The following LRRTM4 variants were observed in gnomAD, a reference collection of about 807,000 sequenced individuals.
LRRTM4 encodes the protein leucine rich repeat transmembrane neuronal 4.
A neutral mutation model predicts 47.6 loss-of-function variants in LRRTM4; 25 were observed. The observed-to-expected ratio is 0.53, with a 90% CI of 0.38 to 0.73. The LOEUF (loss-of-function observed/expected upper bound fraction) is 0.73. Among genes scored for constraint, LRRTM4 ranks in the 30% least tolerant of loss-of-function variants. The pLI is 0.00. For missense variants in LRRTM4, 638 were observed against 713.4 expected (o/e 0.89, Z 1.20); for synonymous variants, 311 against 269.5 (o/e 1.15, Z -1.51).
chr2:77,421,066 G>C (rs765997155), intron 3 of LRRTM4, among the ~76,000 whole-genome samples: 1 of 151,210 alleles, frequency 6.6e-6, no homozygotes, highest in Non-Finnish European at 1.5e-5. Context: ...GGCCACTAGA[G>C]GTATCAAAGA....
chr2:77,148,580 A>G (rs2103779410), intron 3 of LRRTM4, among the ~76,000 whole-genome samples: 1 of 152,302 alleles, frequency 6.6e-6, no homozygotes, highest in South Asian at 2.1e-4. Flanking sequence ...TCTGTAACAA[A>G]GGAGTTAGGC....
intron 3 of LRRTM4, among the ~76,000 whole-genome samples, chr2:77,119,225 C>T (rs1205345103): frequency 2.0e-5 from 3 of 151,810 alleles, no homozygotes; most frequent in Non-Finnish European, 4.4e-5. Context: ...CTTCTCTTTT[C>T]TTGAATTTCT....
intron 3 of LRRTM4, among the ~76,000 whole-genome samples, chr2:76,968,816 A>AT (rs1298387509): frequency 1.3e-5 from 2 of 151,840 alleles, no homozygotes; most frequent in Non-Finnish European, 2.9e-5. Flanking sequence ...TCAGCAAAGC[A>AT]TTTAAAGTGG....
chr2:76,970,586 CCT>C (rs1676185850), intron 3 of LRRTM4, among the ~76,000 whole-genome samples: 1 of 151,948 alleles, frequency 6.6e-6, no homozygotes, highest in Non-Finnish European at 1.5e-5. Flanking sequence ...CATAATAACC[CCT>C]GAGAAATAAT....
chr2:77,391,689 C>T (rs531214252), intron 3 of LRRTM4, among the ~76,000 whole-genome samples: 1 of 152,004 alleles, frequency 6.6e-6, no homozygotes, highest in South Asian at 2.1e-4. Context: ...TAATTCCTTC[C>T]ACTGACTGAA....
At chr2:77,421,897 T>C (rs1362957388) in intron 3 of LRRTM4, among the ~76,000 whole-genome samples, 1 of 152,222 alleles carries the variant, frequency 6.6e-6, no homozygotes, top group Non-Finnish European at 1.5e-5. Flanking sequence ...TAAACAACAG[T>C]GGTCTTATAA....
intron 3 of LRRTM4, among the ~76,000 whole-genome samples, chr2:76,917,188 T>G (rs1332819993): frequency 6.6e-6 from 1 of 152,198 alleles, no homozygotes; most frequent in Admixed American, 6.5e-5. Context: ...ATAAATGATA[T>G]GCAAATGAAT....
intron 3 of LRRTM4, among the ~76,000 whole-genome samples, chr2:77,432,514 C>T (rs1675423504): frequency 6.6e-6 from 1 of 152,212 alleles, no homozygotes; most frequent in Non-Finnish European, 1.5e-5. Flanking sequence ...TTATCTCATT[C>T]ATTCAATTTA....
chr2:77,003,212 CGTTT>C (rs755298551), intron 3 of LRRTM4, among the ~76,000 whole-genome samples: 44 of 151,632 alleles, frequency 2.9e-4, no homozygotes, highest in Non-Finnish European at 6.0e-4. Flanking sequence ...ATTTTGTCCA[CGTTT>C]GTGTTTCTTA....
At chr2:76,942,034 G>T (rs571017776) in intron 3 of LRRTM4, among the ~76,000 whole-genome samples, 2 of 152,092 alleles carry the variant, frequency 1.3e-5, no homozygotes, top group Admixed American at 6.6e-5. Flanking sequence ...AACACATTGT[G>T]GTTTTGATTT....
intron 3 of LRRTM4, among the ~76,000 whole-genome samples, chr2:77,112,599 A>ATT (rs11389099): frequency 0.014 from 2,052 of 147,090 alleles, 35 homozygotes; most frequent in Middle Eastern, 0.053. Flanking sequence ...GCAAGGAGGG[A>ATT]TTTTTTTTTT....
intron 3 of LRRTM4, among the ~76,000 whole-genome samples, chr2:76,817,784 C>T (rs545033999): frequency 1.1e-4 from 16 of 151,938 alleles, no homozygotes; most frequent in African/African-American, 2.9e-4. Context: ...ATATTTTTAA[C>T]GATCCTATCA....
rs182840990 is a variant in LRRTM4, at chr2:77,108,607, G to A, written c.1552-359691C>T. On this transcript the variant is annotated intron_variant, in intron 3 of 3. Coordinates refer to ENST00000409884, the MANE Select transcript of LRRTM4 (RefSeq NM_001134745.3). ...TTTTTTTTTTCTTTTTTTTTGAGAC[G>A]GAGTCTCGCTCTGTCGCCCAGGCTG... 8.9e-3 allele frequency among the ~76,000 whole-genome samples: 1,244 copies of A among 140,034 alleles called. 29 individuals carry two copies. Among genetic ancestry groups the A allele is most frequent in the African/African-American group, 0.03 (1,115 of 36,874 alleles). 91.9% of individuals were successfully genotyped at this position (140,034 alleles called of 152,430 possible).
At chr2:76,807,742 C>T (rs1670572067) in intron 3 of LRRTM4, among the ~76,000 whole-genome samples, 1 of 148,020 alleles carries the variant, frequency 6.8e-6, no homozygotes, top group South Asian at 2.1e-4. Context: ...CAGGCATGTG[C>T]CTCCACACCT....
At chr2:77,287,447 T>G (rs1000023142) in intron 3 of LRRTM4, among the ~76,000 whole-genome samples, 6 of 151,594 alleles carry the variant, frequency 4.0e-5, no homozygotes, top group Non-Finnish European at 1.5e-5. Flanking sequence ...AAATCTTATT[T>G]AAACACAAGT....
chr2:77,306,945 G>T (rs1354662835), intron 3 of LRRTM4, among the ~76,000 whole-genome samples: 1 of 129,270 alleles, frequency 7.7e-6, no homozygotes, highest in African/African-American at 3.7e-5. Flanking sequence ...TGTCGCCCAG[G>T]CTGGAGTGCA....
At chr2:76,804,771 TATC>T (rs930432472) in intron 3 of LRRTM4, among the ~76,000 whole-genome samples, 357 of 149,590 alleles carry the variant, frequency 2.4e-3, no homozygotes, top group Non-Finnish European at 4.4e-3. Flanking sequence ...ACAATATATA[TATC>T]ATGTTTTATA....
rs771841346 is a variant in LRRTM4, at chr2:76,748,920, G to C, written c.1552-4C>G. 1 of 1,611,312 alleles carries C rather than the reference G, an allele frequency of 6.2e-7. No homozygotes were observed. Among genetic ancestry groups the C allele is most frequent in the African/African-American group, 1.3e-5 (1 of 74,864 alleles). ...AGGGCTTCATGTGGTGTGGCATCTG[G>C]ATATGAGAAATAGAAAGATGGGTGG... On this transcript the variant is annotated splice_polypyrimidine_tract_variant and splice_region_variant and intron_variant, in intron 3 of 3. Transcript: ENST00000409884.
intron 3 of LRRTM4, among the ~76,000 whole-genome samples, chr2:77,427,164 A>T (rs778670615): frequency 1.4e-4 from 21 of 152,020 alleles, no homozygotes; most frequent in Admixed American, 1.2e-3. Context: ...TTTTTAGTGG[A>T]GATGAGGTTT....
Sources: allele counts gnomAD v4.1 joint callset (sites outside exome capture counted in the v4.1 genomes callset), GRCh38; gene constraint gnomAD v4.1.1; transcripts MANE v1.5; gene names NCBI Gene and HGNC (gene_info 2026-07-23, HGNC 2026-07-21).